Variants in NCOA1 observed in about 807,000 individuals in gnomAD.
The protein encoded by NCOA1 is Hin-2 protein.
In NCOA1, 35 loss-of-function variants were observed where a neutral mutation model predicts 150.9. The observed-to-expected ratio is 0.23, with a 90% CI of 0.18 to 0.31. The LOEUF (loss-of-function observed/expected upper bound fraction) is 0.31. Ranked by LOEUF, NCOA1 falls within the 10% of genes least tolerant of loss-of-function variation. The pLI, the probability that NCOA1 is intolerant of heterozygous loss-of-function variation, is 1.00. For synonymous variants in NCOA1, 590 were observed against 630.0 expected, an observed-to-expected ratio of 0.94 and a Z score of 0.95; for missense variants, 1,491 against 1,749.3, an observed-to-expected ratio of 0.85 and a Z score of 2.63.
At position 24,742,071 on chromosome 2, in the gene NCOA1, C is replaced by G; in HGVS notation, c.3591C>G (p.Ser1197=). The part of the protein sequence containing the change: ...FSQLAANPEA[S]LANRNSMVSR... ...AACTAGCAGCAAATCCTGAAGCATC[C>G]TTGGCCAACCGCAACAGCATGGTGA... Residue 1197 remains serine (S), a synonymous_variant, in exon 19 of 23, where the codon TCC becomes TCG. Coordinates refer to ENST00000348332, the MANE Select transcript of NCOA1 (RefSeq NM_003743.5). 1.9e-6 allele frequency: 3 copies of G among 1,614,214 alleles called. No individual in the cohort carries two copies. The highest frequency in any genetic ancestry group is 1.6e-4 in the Middle Eastern group (1 of 6,062).
intron 1 of NCOA1, among the ~76,000 whole-genome samples, chr2:24,498,792 A>ATTC (rs1663332367): frequency 1.3e-5 from 2 of 152,096 alleles, no homozygotes; most frequent in Non-Finnish European, 2.9e-5. Context: ...TGAAAATGAG[A>ATTC]AATGTCAATT....
At chr2:24,563,480 A>C (rs781207925) in intron 1 of NCOA1, among the ~76,000 whole-genome samples, 2 of 151,998 alleles carry the variant, frequency 1.3e-5, no homozygotes, top group African/African-American at 2.4e-5. Context: ...GTAAAGCCTA[A>C]ATTAGTTTGG....
At chr2:24,591,533 A>C (rs1469805445) in intron 3 of NCOA1, among the ~76,000 whole-genome samples, 1 of 152,212 alleles carries the variant, frequency 6.6e-6, no homozygotes, top group African/African-American at 2.4e-5. Flanking sequence ...TATTTGGAAT[A>C]TCTGCCATCT....
chr2:24,533,242 G>T (rs1258410927), intron 1 of NCOA1, among the ~76,000 whole-genome samples: 2 of 151,988 alleles, frequency 1.3e-5, no homozygotes, highest in Admixed American at 1.3e-4. Flanking sequence ...CTCATGATTT[G>T]GCTCTCTGTC....
intron 1 of NCOA1, among the ~76,000 whole-genome samples, chr2:24,530,906 T>G (rs1487712125): frequency 6.6e-6 from 1 of 152,226 alleles, no homozygotes; most frequent in Non-Finnish European, 1.5e-5. Context: ...ATCAGACTTC[T>G]TTATAGCTCC....
At chr2:24,661,688 A>G (rs905020919) in intron 5 of NCOA1, among the ~76,000 whole-genome samples, 2 of 152,196 alleles carry the variant, frequency 1.3e-5, no homozygotes, top group African/African-American at 4.8e-5. Flanking sequence ...GTTATCAGTA[A>G]TGACACTACC....
chr2:24,642,037 T>TGTGTGTGTGTGTGTGTGCGCGCGCGC (rs942145000), intron 3 of NCOA1, among the ~76,000 whole-genome samples: 6 of 138,452 alleles, frequency 4.3e-5, no homozygotes, highest in African/African-American at 1.5e-4. Context: ...TGTGTGTGTG[T>TGTGTGTGTGTGTGTGTGCGCGCGCGC]GCGCGCGTGC....
At chr2:24,504,678 T>C (rs1663616352) in intron 1 of NCOA1, among the ~76,000 whole-genome samples, 1 of 152,226 alleles carries the variant, frequency 6.6e-6, no homozygotes, top group African/African-American at 2.4e-5. Flanking sequence ...GTGTCTATTT[T>C]AGGGGTAAGT....
intron 11 of NCOA1, among the ~76,000 whole-genome samples, chr2:24,700,811 C>T (rs1177539409): frequency 1.3e-5 from 2 of 152,146 alleles, no homozygotes; most frequent in Non-Finnish European, 2.9e-5. Context: ...TTCTGGACCC[C>T]ACCCCGGACT....
intron 17 of NCOA1, among the ~76,000 whole-genome samples, chr2:24,738,513 T>C (rs1663439681): frequency 6.6e-6 from 1 of 152,200 alleles, no homozygotes; most frequent in African/African-American, 2.4e-5. Context: ...ACCCTAATCC[T>C]GGTCTAGACT....
intron 3 of NCOA1, among the ~76,000 whole-genome samples, chr2:24,608,246 CTATTATTATTATTATTATTATTATTAT>C (rs202179395): frequency 3.0e-5 from 4 of 131,884 alleles, no homozygotes; most frequent in African/African-American, 1.1e-4. Context: ...CCCAGTTCCC[CTATTATTATTATTATTATTATTATTAT>C]TATTATTATT....
chr2:24,610,678 A>G (rs977808030), intron 3 of NCOA1, among the ~76,000 whole-genome samples: 1 of 151,070 alleles, frequency 6.6e-6, no homozygotes, highest in Non-Finnish European at 1.5e-5. Context: ...ATATTTGATA[A>G]TTCTAATATC....
At chr2:24,525,915 G>A (rs1166674020) in intron 1 of NCOA1, among the ~76,000 whole-genome samples, 1 of 152,040 alleles carries the variant, frequency 6.6e-6, no homozygotes, top group African/African-American at 2.4e-5. Flanking sequence ...ATTGCTCCTA[G>A]TTCTGCTCTC....
rs145930796 is a variant in NCOA1 at position 24,722,789 on chromosome 2, C to T, written c.2600-3800C>T. Among the ~76,000 whole-genome samples, 849 of 151,748 alleles carry T rather than the reference C, an allele frequency of 5.6e-3. 6 individuals are homozygous for T. Among genetic ancestry groups the T allele is most frequent in the Non-Finnish European group, 9.7e-3 (662 of 67,924 alleles). ...TCAGTACCTAAAAAGATCCATTTTT[C>T]AGCTTGGGCAACATGGTGAAAAATG... On this transcript the variant is annotated intron_variant, in intron 14 of 22. Transcript: ENST00000348332.
intron 6 of NCOA1, among the ~76,000 whole-genome samples, chr2:24,672,384 G>C (rs1671727144): frequency 6.6e-6 from 1 of 151,852 alleles, no homozygotes; most frequent in African/African-American, 2.4e-5. Flanking sequence ...GTATTTTTTG[G>C]AATACTTGAA....
chr2:24,629,681 G>A (rs1161138808), intron 3 of NCOA1, among the ~76,000 whole-genome samples: 2 of 150,100 alleles, frequency 1.3e-5, no homozygotes, highest in African/African-American at 2.4e-5. Context: ...ACATGATGCC[G>A]CAATCATTTG....
At chr2:24,598,756 T>C (rs1039019934) in intron 3 of NCOA1, among the ~76,000 whole-genome samples, 4 of 152,184 alleles carry the variant, frequency 2.6e-5, no homozygotes, top group Admixed American at 2.6e-4. Context: ...TTTTACATTT[T>C]TCTTTTTTTT....
intron 22 of NCOA1, chr2:24,767,722 A>G: frequency 5.2e-6 from 1 of 192,024 alleles, no homozygotes; most frequent in Non-Finnish European, 1.1e-5. Flanking sequence ...TCTTTTGGAC[A>G]TTAACCTTAG....
At chr2:24,558,146 T>C (rs1355714320) in intron 1 of NCOA1, among the ~76,000 whole-genome samples, 7 of 152,190 alleles carry the variant, frequency 4.6e-5, no homozygotes, top group Admixed American at 3.9e-4. Context: ...ACTGTATTTT[T>C]CCCCCACTCT....
Sources: gnomAD v4.1 joint callset for allele counts (sites outside exome capture counted in the v4.1 genomes callset) on GRCh38, gnomAD v4.1.1 for gene constraint, MANE v1.5 for transcripts, NCBI Gene and HGNC (gene_info 2026-07-23, HGNC 2026-07-21) for gene names.